The following RGS3 variants were observed in gnomAD, a reference collection of about 807,000 sequenced individuals.
RGS3 encodes regulator of G-protein signalling 3.
In RGS3, 80 loss-of-function variants were observed where a neutral mutation model predicts 132.6. That is an observed-to-expected ratio of 0.60 (90% CI 0.50 to 0.73). The LOEUF (loss-of-function observed/expected upper bound fraction) is 0.73, where lower values mean the gene tolerates loss of function less well. Among genes scored for constraint, RGS3 ranks in the 30% least tolerant of loss-of-function variants. The probability of loss-of-function intolerance (pLI) is 0.00; values close to 1 mark genes in which losing one functional copy is unlikely to be tolerated. For missense variants in RGS3, 1,382 were observed against 1,530.8 expected (o/e 0.90, Z 1.62); for synonymous variants, 598 against 620.6 (o/e 0.96, Z 0.54).
At chr9:113,589,739 C>A (rs368958358) in intron 20 of RGS3, among the ~76,000 whole-genome samples, 1 of 152,190 alleles carries the variant, frequency 6.6e-6, no homozygotes, top group Non-Finnish European at 1.5e-5. Context: ...ACTCACTGGG[C>A]AATGACCACT....
chr9:113,484,216 C>G, exon 6 of RGS3: 1 of 1,606,782 alleles, frequency 6.2e-7, no homozygotes, highest in East Asian at 2.2e-5. Context: ...CCCGGCTTTC[C>G]ACGAGCACTT....
chr9:113,529,615 C>T (rs879586941), intron 18 of RGS3, among the ~76,000 whole-genome samples: 6 of 152,236 alleles, frequency 3.9e-5, no homozygotes, highest in South Asian at 2.1e-4. Context: ...CTCTAGAGAT[C>T]GCCCTGATTC....
chr9:113,533,593 C>T (rs1207043389), intron 18 of RGS3, among the ~76,000 whole-genome samples: 1 of 152,226 alleles, frequency 6.6e-6, no homozygotes, highest in Non-Finnish European at 1.5e-5. Context: ...AGAATTCCTG[C>T]TTCAGAACAG....
intron 10 of RGS3, among the ~76,000 whole-genome samples, chr9:113,499,175 G>A (rs1295340432): frequency 1.3e-5 from 2 of 149,154 alleles, no homozygotes; most frequent in African/African-American, 2.5e-5. Flanking sequence ...TGCAGTGAGC[G>A]GAGATTGTAC....
chr9:113,482,145 T>C (rs1323870086), intron 4 of RGS3, among the ~76,000 whole-genome samples: 2 of 152,002 alleles, frequency 1.3e-5, no homozygotes, highest in East Asian at 1.9e-4. Context: ...AGGTCTATTG[T>C]CTTCTTTCTA....
chr9:113,503,088 G>A (rs1830969090), intron 10 of RGS3, among the ~76,000 whole-genome samples: 1 of 152,194 alleles, frequency 6.6e-6, no homozygotes, highest in South Asian at 2.1e-4. Flanking sequence ...GAGGTAAGGG[G>A]CTGGCATGGG....
At chr9:113,461,546 AG>A (rs1829470440) in intron 1 of RGS3, among the ~76,000 whole-genome samples, 1 of 152,176 alleles carries the variant, frequency 6.6e-6, no homozygotes, top group African/African-American at 2.4e-5. Flanking sequence ...ATACCATCAG[AG>A]GGGCCAGCTC....
At chr9:113,495,165 G>A (rs568748533) in intron 7 of RGS3, among the ~76,000 whole-genome samples, 67 of 152,250 alleles carry the variant, frequency 4.4e-4, no homozygotes, top group African/African-American at 1.2e-3. Context: ...GTGAGCCACC[G>A]TGCCCAGCTG....
chr9:113,584,616 T>TA (rs1315152076), intron 20 of RGS3, among the ~76,000 whole-genome samples, 189 bp downstream of exon 18: 20 of 152,328 alleles, frequency 1.3e-4, no homozygotes, highest in African/African-American at 4.8e-4. Flanking sequence ...AGCATGGACT[T>TA]AAACACATGA....
At chr9:113,561,097 C>T (rs956837536) in intron 19 of RGS3, among the ~76,000 whole-genome samples, 5 of 152,050 alleles carry the variant, frequency 3.3e-5, no homozygotes, top group African/African-American at 1.2e-4. Context: ...GATCTCGGCT[C>T]ACTGCAATCT....
intron 16 of RGS3, chr9:113,522,132 A>G (rs1263605243): frequency 6.6e-6 from 1 of 152,260 alleles, no homozygotes; most frequent in Non-Finnish European, 1.5e-5. Flanking sequence ...ATAATGTCTA[A>G]GAATAGCCTC....
Position 113,537,693 on chromosome 9 carries a change from C to T in RGS3, c.2037+775C>T, listed in dbSNP as rs962409522. On this transcript the variant is annotated intron_variant, in intron 19 of 24. Transcript: ENST00000350696. This position sits in a 1 kb window ranked among gnomAD's most constrained non-coding sequence, Gnocchi z 4.3. Reference sequence around the variant, plus strand: ...AGGTGGTTGCTCTGCTGGATCTGGGCGAAGAGGAGAGATGAAAGAAAGCTG... The same window carrying T: ...AGGTGGTTGCTCTGCTGGATCTGGGTGAAGAGGAGAGATGAAAGAAAGCTG... Among the ~76,000 whole-genome samples the T allele has an allele frequency of 2.0e-5, 3 of 152,166 alleles. No individual in the cohort carries two copies. The highest frequency in any genetic ancestry group is 7.2e-5 in the African/African-American group (3 of 41,432).
intron 18 of RGS3, among the ~76,000 whole-genome samples, chr9:113,530,001 CA>C: frequency 6.6e-6 from 1 of 152,350 alleles, no homozygotes; most frequent in East Asian, 1.9e-4. Flanking sequence ...AAATACTTTT[CA>C]ATTTTCGGTG....
At chr9:113,532,378 A>G (rs930647763) in intron 18 of RGS3, among the ~76,000 whole-genome samples, 2 of 150,518 alleles carry the variant, frequency 1.3e-5, no homozygotes, top group Non-Finnish European at 3.0e-5. Flanking sequence ...TGGCTTGGCC[A>G]AGAGAGAGAG....
intron 19 of RGS3, among the ~76,000 whole-genome samples, chr9:113,551,866 AAAAT>A (rs1055048574): frequency 1.3e-5 from 2 of 152,182 alleles, no homozygotes; most frequent in Non-Finnish European, 2.9e-5. Context: ...CTCAAAAAAT[AAAAT>A]AAATAAATAA....
intron 1 of RGS3, among the ~76,000 whole-genome samples, chr9:113,453,018 TTATATATAATATATAA>T (rs900620173): frequency 2.0e-4 from 26 of 132,020 alleles, no homozygotes; most frequent in Admixed American, 5.1e-4. Flanking sequence ...ATATTATATT[TTATATATAATATATAA>T]TATATATAAT....
chr9:113,446,434 G>A (rs1473712014), intron 1 of RGS3, among the ~76,000 whole-genome samples: 2 of 152,136 alleles, frequency 1.3e-5, no homozygotes, highest in African/African-American at 4.8e-5. Context: ...GAACCACTAG[G>A]TGGTGATATT....
In RGS3 at chr9:113,565,266, C is replaced by T. The variant is rs970773154; in HGVS notation, c.2038-18184C>T. ...CTTTGAGACATCCCGGACTCCATCT[C>T]GGATGAAAGTGCTTTGAGAAACCAC... is the stretch of plus-strand genomic sequence containing the variant. On this transcript the variant is annotated intron_variant, in intron 19 of 24. Transcript: ENST00000350696. This position sits in a 1 kb window ranked among gnomAD's most constrained non-coding sequence, Gnocchi z 5.7. 9 of 1,289,032 alleles carry T rather than the reference C, an allele frequency of 7.0e-6. No homozygotes were observed. Among genetic ancestry groups the T allele is most frequent in the Middle Eastern group, 2.1e-4 (1 of 4,714 alleles). 79.8% of individuals were successfully genotyped at this position (1,289,032 alleles called of 1,614,324 possible).
Position 113,497,419 on chromosome 9 carries a change from C to T in RGS3, c.841+15C>T, listed in dbSNP as rs374089707. On this transcript the variant is annotated intron_variant, in intron 9 of 24. Transcript: ENST00000350696. Reference sequence around the variant, plus strand: ...GCCGCTGAGAGGTACCTGCACACCCCCTTCAGCTTCCCTTCCCAGGACCTG... The same window carrying T: ...GCCGCTGAGAGGTACCTGCACACCCTCTTCAGCTTCCCTTCCCAGGACCTG... The T allele has an allele frequency of 4.4e-6, 7 of 1,607,590 alleles. No individual in the cohort carries two copies. In the African/African-American group the frequency reaches 8.0e-5, roughly 18 times the overall value.
Sources: allele counts gnomAD v4.1 joint callset (sites outside exome capture counted in the v4.1 genomes callset), GRCh38; gene constraint gnomAD v4.1.1; non-coding constraint Gnocchi (gnomAD v3.1); transcripts MANE v1.5; gene names NCBI Gene and HGNC (gene_info 2026-07-23, HGNC 2026-07-21).